Variants in ARMC9 observed in about 807,000 individuals in gnomAD.
ARMC9 encodes armadillo repeat containing 9.
ARMC9 carries 94 observed loss-of-function variants against 107.0 expected under a neutral mutation model. The observed-to-expected ratio is 0.88, with a 90% confidence interval of 0.74 to 1.04. The LOEUF (loss-of-function observed/expected upper bound fraction) is 1.04. Ranked by LOEUF, ARMC9 falls within the 50% of genes least tolerant of loss-of-function variation. The pLI, the probability that ARMC9 is intolerant of heterozygous loss-of-function variation, is 0.00. For synonymous variants in ARMC9, 380 were observed against 396.9 expected, an observed-to-expected ratio of 0.96 and a Z score of 0.51; for missense variants, 942 against 1,030.1, an observed-to-expected ratio of 0.91 and a Z score of 1.17.
intron 15 of ARMC9, among the ~76,000 whole-genome samples, chr2:231,277,181 C>T (rs1460955937): frequency 1.3e-5 from 2 of 152,204 alleles, no homozygotes; most frequent in African/African-American, 4.8e-5. Context: ...ACACTCTTTT[C>T]CCTGCCCCAG....
rs2046107370 is a variant in ARMC9, at chr2:231,373,663, C to CCGAGGCG, written c.*2129_*2135dup. On this transcript the variant is annotated 3_prime_UTR_variant, in exon 25 of 25. Coordinates refer to ENST00000611582, the MANE Select transcript of ARMC9 (RefSeq NM_001352754.2). This position sits in a 1 kb window ranked among gnomAD's most constrained non-coding sequence, Gnocchi z 4.4. ...CCTGTAATCCCAGTGCTTTGGGAGG[C>CCGAGGCG]CGAGGCGGATGGATCACTTGAGGCC... The CCGAGGCG allele has an allele frequency of 6.6e-6, 1 of 152,166 alleles. No individual in the cohort carries two copies. Among genetic ancestry groups the CCGAGGCG allele is most frequent in the South Asian group, 2.1e-4 (1 of 4,822 alleles). 9.4% of individuals were successfully genotyped at this position (152,166 alleles called of 1,614,324 possible).
intron 9 of ARMC9, among the ~76,000 whole-genome samples, chr2:231,246,902 C>G (rs1003833109): frequency 1.3e-5 from 2 of 151,986 alleles, no homozygotes; most frequent in Admixed American, 1.3e-4. Context: ...AGGTGCTCCT[C>G]CCACCTCAGT....
intron 21 of ARMC9, among the ~76,000 whole-genome samples, chr2:231,355,072 C>T (rs2045281791): frequency 6.6e-6 from 1 of 152,210 alleles, no homozygotes; most frequent in South Asian, 2.1e-4. Context: ...GTCACAGTGG[C>T]TCACACCTGT....
Position 231,271,084 on chromosome 2 carries a change from G to C in ARMC9, c.1210+12G>C. On this transcript the variant is annotated intron_variant, in intron 13 of 24. Coordinates refer to ENST00000611582, the MANE Select transcript of ARMC9 (RefSeq NM_001352754.2). ...GTCACTGGCAGAAGGTGAGACATCA[G>C]CTTTGCTTCAAAGATAAGAGCTAGG... is the stretch of plus-strand genomic sequence containing the variant. 5 of 1,613,354 alleles carry C rather than the reference G, an allele frequency of 3.1e-6. No individual in the cohort carries two copies. The highest frequency in any genetic ancestry group is 4.2e-6 in the Non-Finnish European group (5 of 1,179,496).
intron 23 of ARMC9, among the ~76,000 whole-genome samples, chr2:231,365,920 A>G (rs1318493407): frequency 6.6e-6 from 1 of 151,768 alleles, no homozygotes; most frequent in African/African-American, 2.4e-5. Context: ...TGCCTCAGCT[A>G]TTTTCTCCAG....
At chr2:231,244,803 C>T (rs554056586) in intron 9 of ARMC9, among the ~76,000 whole-genome samples, 9 of 152,366 alleles carry the variant, frequency 5.9e-5, no homozygotes, top group East Asian at 1.9e-4. Context: ...ACCATGAGGG[C>T]GGCATGGAGG....
chr2:231,333,376 C>A (rs1157068187), intron 20 of ARMC9, among the ~76,000 whole-genome samples: 1 of 152,186 alleles, frequency 6.6e-6, no homozygotes, highest in Non-Finnish European at 1.5e-5. Context: ...AGGGAGGTGA[C>A]TGATGGAGGC....
chr2:231,263,994 G>A (rs1339720056), intron 12 of ARMC9, among the ~76,000 whole-genome samples: 2 of 152,076 alleles, frequency 1.3e-5, no homozygotes, highest in Non-Finnish European at 2.9e-5. Context: ...ACAGTCAATG[G>A]CATTTTACAG....
At chr2:231,284,834 A>G (rs993304626) in intron 17 of ARMC9, among the ~76,000 whole-genome samples, 1 of 152,206 alleles carries the variant, frequency 6.6e-6, no homozygotes, top group Non-Finnish European at 1.5e-5. Context: ...AGAAAAAAGC[A>G]CAAGAGAAGT....
intron 12 of ARMC9, among the ~76,000 whole-genome samples, chr2:231,262,954 G>A (rs1244405818): frequency 6.6e-6 from 1 of 151,456 alleles, no homozygotes; most frequent in East Asian, 1.9e-4. Flanking sequence ...GCCTGCCTCG[G>A]GAGGTCGTTG....
At chr2:231,304,188 C>G (rs1220592826) in intron 19 of ARMC9, among the ~76,000 whole-genome samples, 2 of 152,132 alleles carry the variant, frequency 1.3e-5, no homozygotes, top group East Asian at 3.9e-4. Flanking sequence ...CGAGATCGCG[C>G]CACTGCACTC....
At chr2:231,202,060 C>T (rs1406645580) in intron 1 of ARMC9, among the ~76,000 whole-genome samples, 1 of 150,398 alleles carries the variant, frequency 6.6e-6, no homozygotes, top group African/African-American at 2.5e-5. Flanking sequence ...AGTGCAATGG[C>T]ACGATCTCGG....
At chr2:231,310,656 G>A (rs368085037) in intron 19 of ARMC9, among the ~76,000 whole-genome samples, 14 of 149,568 alleles carry the variant, frequency 9.4e-5, no homozygotes, top group East Asian at 6.0e-4. Flanking sequence ...GCTTGAACCC[G>A]GGGTAGGGGG....
rs112006503 is a variant in ARMC9, at chr2:231,249,707, G to A, written c.880-6879G>A. On this transcript the variant is annotated intron_variant, in intron 9 of 24. Transcript: ENST00000611582. ...GCAAGTGCTCAGTGAATAATTGATG[G>A]GTTACTACATTAGTTGTTCCACTGT... Among the ~76,000 whole-genome samples, 108 of 152,212 alleles carry A rather than the reference G, an allele frequency of 7.1e-4. 1 individual carries two copies. Among genetic ancestry groups the A allele is most frequent in the African/African-American group, 2.5e-3 (102 of 41,528 alleles).
At chr2:231,273,345 G>A (rs1182076037) in intron 14 of ARMC9, among the ~76,000 whole-genome samples, 1 of 152,164 alleles carries the variant, frequency 6.6e-6, no homozygotes, top group East Asian at 1.9e-4. Context: ...TGTGTCTCAG[G>A]GCATGTGCAG....
chr2:231,240,594 C>T (rs1238696353), intron 9 of ARMC9, among the ~76,000 whole-genome samples: 1 of 152,176 alleles, frequency 6.6e-6, no homozygotes, highest in East Asian at 1.9e-4. Flanking sequence ...TATTATGACT[C>T]TTTACTCCTA....
chr2:231,269,712 C>A (rs1226065962), intron 12 of ARMC9, among the ~76,000 whole-genome samples: 2 of 152,054 alleles, frequency 1.3e-5, no homozygotes, highest in African/African-American at 4.8e-5. Context: ...TATTTTCTGA[C>A]CCTTCTGTTG....
chr2:231,328,588 C>G (rs2043490223), intron 19 of ARMC9, among the ~76,000 whole-genome samples: 1 of 152,006 alleles, frequency 6.6e-6, no homozygotes, highest in Admixed American at 6.6e-5. Context: ...AAAGGACTAT[C>G]CTTTCTCATT....
At chr2:231,269,521 G>C (rs933890717) in intron 12 of ARMC9, among the ~76,000 whole-genome samples, 3 of 151,152 alleles carry the variant, frequency 2.0e-5, no homozygotes, top group Non-Finnish European at 4.4e-5. Context: ...GAGTAGCTGG[G>C]ATTACAGGTG....
Sources: allele counts gnomAD v4.1 joint callset (sites outside exome capture counted in the v4.1 genomes callset), GRCh38; gene constraint gnomAD v4.1.1; non-coding constraint Gnocchi (gnomAD v3.1); transcripts MANE v1.5; gene names NCBI Gene and HGNC (gene_info 2026-07-23, HGNC 2026-07-21).